ERC2: variants seen among roughly 807,000 people sequenced by gnomAD.
The protein encoded by ERC2 is ELKS/RAB6-interacting/CAST family member 2, also known as ERC protein 2.
A neutral mutation model predicts 114.8 loss-of-function variants in ERC2; 42 were observed. The ratio of observed to expected loss-of-function variants is 0.37; its 90% CI spans 0.29 to 0.47. The LOEUF (loss-of-function observed/expected upper bound fraction) is 0.47. Ranked by LOEUF, ERC2 falls within the 20% of genes least tolerant of loss-of-function variation. The probability of loss-of-function intolerance (pLI) is 0.99; values close to 1 mark genes in which losing one functional copy is unlikely to be tolerated. For missense variants in ERC2, 939 were observed against 1,150.7 expected, an observed-to-expected ratio of 0.82 and a Z score of 2.66; for synonymous variants, 454 against 425.5, an observed-to-expected ratio of 1.07 and a Z score of -0.82.
At chr3:56,303,120 C>T (rs929252154) in intron 2 of ERC2, among the ~76,000 whole-genome samples, 2 of 152,224 alleles carry the variant, frequency 1.3e-5, no homozygotes, top group Non-Finnish European at 2.9e-5. Flanking sequence ...CCATTCTCCA[C>T]TGTCTGCCAC....
At chr3:55,627,904 T>G (rs1191972234) in intron 17 of ERC2, among the ~76,000 whole-genome samples, 1 of 148,686 alleles carries the variant, frequency 6.7e-6, no homozygotes, top group African/African-American at 2.5e-5. Context: ...TTTTTTTTTT[T>G]TGAAGAAAGG....
intron 17 of ERC2, among the ~76,000 whole-genome samples, chr3:55,615,787 A>G (rs1268740720): frequency 6.6e-6 from 1 of 152,198 alleles, no homozygotes; most frequent in Non-Finnish European, 1.5e-5. Context: ...GCAATTCAGC[A>G]GAGGCCTTGT....
intron 6 of ERC2, among the ~76,000 whole-genome samples, chr3:56,089,346 C>G (rs2077665235): frequency 6.6e-6 from 1 of 152,156 alleles, no homozygotes; most frequent in Non-Finnish European, 1.5e-5. Flanking sequence ...AAATGTTGCA[C>G]AGGCATGTCC....
At chr3:56,151,405 CA>C (rs1352035135) in intron 4 of ERC2, among the ~76,000 whole-genome samples, 4 of 152,010 alleles carry the variant, frequency 2.6e-5, no homozygotes, top group Non-Finnish European at 4.4e-5. Flanking sequence ...GTTTCAAGGG[CA>C]AAAGAGCTCA....
intron 17 of ERC2, among the ~76,000 whole-genome samples, chr3:55,569,831 A>C (rs929374186): frequency 4.0e-5 from 6 of 151,750 alleles, no homozygotes; most frequent in African/African-American, 1.5e-4. Flanking sequence ...ACAGTCAATA[A>C]ATTTCTATTT....
rs372674137 is a variant in ERC2 at position 55,836,242 on chromosome 3, G to A, written c.2564+52147C>T. ...TAACAATGACTTTCTTCACAGAATT[G>A]GAAAAAACTACTTTAAAGTTCACAT... On this transcript the variant is annotated intron_variant, in intron 14 of 17. Transcript: ENST00000288221. Among the ~76,000 whole-genome samples, 78 of 152,176 alleles carry A rather than the reference G, an allele frequency of 5.1e-4. 3 individuals carry two copies. In the South Asian group the frequency reaches 0.015, roughly 29 times the overall value.
At chr3:55,928,012 T>C (rs1490697563) in intron 13 of ERC2, among the ~76,000 whole-genome samples, 3 of 152,252 alleles carry the variant, frequency 2.0e-5, no homozygotes, top group Admixed American at 6.5e-5. Flanking sequence ...CATCTGTTGA[T>C]AGACACTTAG....
In ERC2 at chr3:55,888,482, G is replaced by T; in HGVS notation, c.2471C>A (p.Ala824Asp). The T allele has an allele frequency of 6.2e-7, 1 of 1,613,874 alleles. No homozygotes were observed. Among genetic ancestry groups the T allele is most frequent in the Non-Finnish European group, 8.5e-7 (1 of 1,179,850 alleles). ...TTCGGCCAGGGACTGTTGTGTGGAG[G>T]CGAGGCGTGCTTTGGTGGCATCCAG... The part of the protein sequence containing the change: ...QELDATKARL[A>D]STQQSLAEKE... The change falls in exon 14 of 18, where the codon GCC (alanine) becomes GAC (aspartate). Residue 824 changes from alanine to aspartate, a missense_variant. Transcript: ENST00000288221.
At chr3:55,777,973 A>G (rs1411928244) in intron 14 of ERC2, among the ~76,000 whole-genome samples, 1 of 152,172 alleles carries the variant, frequency 6.6e-6, no homozygotes, top group Non-Finnish European at 1.5e-5. Context: ...ACCATAGGAA[A>G]TTTCCTTGAT....
At chr3:56,138,938 C>T (rs1036120958) in intron 6 of ERC2, among the ~76,000 whole-genome samples, 2 of 152,132 alleles carry the variant, frequency 1.3e-5, no homozygotes, top group African/African-American at 2.4e-5. Context: ...GAAACTCACA[C>T]AATATCAACT....
At chr3:56,425,842 T>C (rs2061552204) in intron 2 of ERC2, among the ~76,000 whole-genome samples, 2 of 152,210 alleles carry the variant, frequency 1.3e-5, no homozygotes, top group South Asian at 4.1e-4. Context: ...AACAGTGACT[T>C]AGACAACTCT....
At chr3:56,118,803 A>G (rs1257954564) in intron 6 of ERC2, among the ~76,000 whole-genome samples, 2 of 151,724 alleles carry the variant, frequency 1.3e-5, no homozygotes, top group Non-Finnish European at 2.9e-5. Context: ...CGCCCGGCTA[A>G]TTTTTTGTAT....
intron 3 of ERC2, among the ~76,000 whole-genome samples, chr3:56,234,557 G>A (rs2050822699): frequency 6.6e-6 from 1 of 152,226 alleles, no homozygotes; most frequent in Admixed American, 6.5e-5. Flanking sequence ...GGGACATTCA[G>A]ATGGTTAATG....
intron 17 of ERC2, among the ~76,000 whole-genome samples, chr3:55,586,580 T>A (rs1243761814): frequency 6.6e-6 from 1 of 152,226 alleles, no homozygotes; most frequent in Non-Finnish European, 1.5e-5. Context: ...TAAAGAAGAA[T>A]CATATTTTTA....
intron 16 of ERC2, among the ~76,000 whole-genome samples, chr3:55,697,741 T>A (rs2063008225): frequency 6.6e-6 from 1 of 152,084 alleles, no homozygotes. Flanking sequence ...ACTCTTATGG[T>A]ACTCTCTGTT....
chr3:56,228,410 T>A (rs932381486), intron 3 of ERC2, among the ~76,000 whole-genome samples: 22 of 152,204 alleles, frequency 1.4e-4, no homozygotes, highest in African/African-American at 4.8e-4. Flanking sequence ...CTACTTCCTG[T>A]CTCTATGAAT....
chr3:55,947,192 C>T (rs1443638616), intron 13 of ERC2, among the ~76,000 whole-genome samples: 2 of 152,198 alleles, frequency 1.3e-5, no homozygotes, highest in Non-Finnish European at 2.9e-5. Flanking sequence ...CAGTGTTCAA[C>T]CAGAGCTTAG....
chr3:55,568,484 G>T (rs1024581040), intron 17 of ERC2, among the ~76,000 whole-genome samples: 42 of 152,304 alleles, frequency 2.8e-4, no homozygotes, highest in East Asian at 1.9e-4. Flanking sequence ...TCTTCTGGCT[G>T]CTCAGCCCAA....
At chr3:55,795,196 C>A (rs561615568) in intron 14 of ERC2, among the ~76,000 whole-genome samples, 41 of 152,042 alleles carry the variant, frequency 2.7e-4, no homozygotes, top group Middle Eastern at 3.2e-3. Context: ...TTGGGACAAA[C>A]CGGAAAGATC....
Sources: gnomAD v4.1 joint callset for allele counts (sites outside exome capture counted in the v4.1 genomes callset) on GRCh38, gnomAD v4.1.1 for gene constraint, MANE v1.5 for transcripts, NCBI Gene and HGNC (gene_info 2026-07-23, HGNC 2026-07-21) for gene names.